The following PCDHA9 variants were observed in gnomAD, a reference collection of about 807,000 sequenced individuals.
The protein encoded by PCDHA9 is protocadherin alpha 9.
In PCDHA9, 62 loss-of-function variants were observed where a neutral mutation model predicts 62.0. The observed-to-expected ratio is 1.00, with a 90% CI of 0.81 to 1.23. The LOEUF (loss-of-function observed/expected upper bound fraction) is 1.23. Among genes scored for constraint, PCDHA9 ranks in the 50% most tolerant of loss-of-function variants. The probability of loss-of-function intolerance (pLI) is 0.00; values close to 1 mark genes in which losing one functional copy is unlikely to be tolerated. For synonymous variants in PCDHA9, 557 were observed against 567.6 expected (o/e 0.98, Z 0.27); for missense variants, 1,205 against 1,249.8 (o/e 0.96, Z 0.54).
intron 3 of PCDHA9, among the ~76,000 whole-genome samples, chr5:140,984,963 A>T (rs1390500469): frequency 1.3e-5 from 2 of 151,890 alleles, no homozygotes; most frequent in Non-Finnish European, 2.9e-5. Context: ...TTTGAGACAG[A>T]GTCTCGCTCT....
At chr5:140,982,226 A>G in intron 2 of PCDHA9, 1 of 603,292 alleles carries the variant, frequency 1.7e-6, no homozygotes, top group Non-Finnish European at 2.5e-6. Context: ...GCGTTAATAA[A>G]AAACAGAATT....
chr5:140,850,108 G>T lies in PCDHA9; in HGVS notation c.1613G>T (p.Arg538Leu). The stretch of plus-strand genomic sequence containing the variant: ...CTGCTACAGTTCCAGGTGAGCGCGC[G>T]CGACGCGGGCGTGCCGCCTCTGGGC... ...LELLQFQVSA[R>L]DAGVPPLGSN... is the part of the protein sequence containing the mutation. Residue 538 changes from arginine (R) to leucine (L), a missense_variant, in exon 1 of 4, where the codon CGC becomes CTC. Physicochemically the swap from Arg to Leu is moderately radical, Grantham distance 102. Coordinates refer to ENST00000532602, the MANE Select transcript of PCDHA9 (RefSeq NM_031857.2). 6.3e-7 allele frequency: 1 copy of T among 1,596,108 alleles called. No homozygotes were observed. Among genetic ancestry groups the T allele is most frequent in the Non-Finnish European group, 8.6e-7 (1 of 1,167,836 alleles).
chr5:140,926,812 G>T (rs908940607), intron 1 of PCDHA9: 28 of 1,458,972 alleles, frequency 1.9e-5, no homozygotes, highest in African/African-American at 2.8e-5. Flanking sequence ...CCCGCGGCTC[G>T]TGCTCTCCAG....
chr5:140,863,256 C>T (rs761621534), intron 1 of PCDHA9: 6 of 1,442,182 alleles, frequency 4.2e-6, no homozygotes, highest in Non-Finnish European at 4.7e-6. Flanking sequence ...GCGTCGAGGT[C>T]CGGGAGGCAG....
At chr5:140,977,023 G>T (rs1554238168) in intron 1 of PCDHA9, among the ~76,000 whole-genome samples, 1 of 152,148 alleles carries the variant, frequency 6.6e-6, no homozygotes, top group Non-Finnish European at 1.5e-5. Flanking sequence ...TCTGTCAAAT[G>T]AATCTAAGAA....
intron 1 of PCDHA9, chr5:140,967,963 A>C (rs1554230144): frequency 6.2e-7 from 1 of 1,614,210 alleles, no homozygotes; most frequent in South Asian, 1.1e-5. Context: ...CCAACCGGAA[A>C]GTGAGCCTGG....
At chr5:140,898,211 A>G (rs1554187859) in intron 1 of PCDHA9, among the ~76,000 whole-genome samples, 2 of 152,100 alleles carry the variant, frequency 1.3e-5, no homozygotes, top group African/African-American at 4.8e-5. Context: ...CCATTTGTCA[A>G]TTTTGGCTTT....
chr5:140,978,457 C>G (rs1223652568), intron 1 of PCDHA9, among the ~76,000 whole-genome samples: 1 of 152,182 alleles, frequency 6.6e-6, no homozygotes, highest in Non-Finnish European at 1.5e-5. Context: ...GCACATCCGC[C>G]CTGGGTCAAA....
intron 1 of PCDHA9, among the ~76,000 whole-genome samples, chr5:140,937,818 A>T (rs190175998): frequency 0.029 from 4,407 of 151,960 alleles, 79 homozygotes; most frequent in Admixed American, 0.046. Context: ...AAGCTGAGGC[A>T]GGAGAATGGC....
intron 3 of PCDHA9, among the ~76,000 whole-genome samples, chr5:141,000,383 C>G (rs1324907388): frequency 4.7e-5 from 3 of 63,178 alleles, no homozygotes; most frequent in South Asian, 1.1e-3. Flanking sequence ...CTCTCTCTCT[C>G]TCTCTCTCTC....
intron 1 of PCDHA9, chr5:140,857,485 G>C (rs1554150101): frequency 6.3e-7 from 1 of 1,598,368 alleles, no homozygotes; most frequent in Non-Finnish European, 8.6e-7. Context: ...TGTCTGCGTG[G>C]GACGCGGACG....
At position 140,849,753 on chromosome 5, in the gene PCDHA9, G is replaced by C. The variant is rs1294538786; in HGVS notation, c.1258G>C (p.Ala420Pro). Residue 420 changes from alanine to proline, a missense_variant, in exon 1 of 4, where the codon GCC (alanine) becomes CCC (proline). This residue lies in a region of PCDHA9 where 887 missense variants were observed against 809.5 expected (regional missense o/e 1.10). Transcript: ENST00000532602. ...DRALDRESVSAYELVVTARDG... is the reference protein window; with the variant it reads ...DRALDRESVSPYELVVTARDG... ...AGCTCTGGACCGCGAGAGTGTGTCCGCCTACGAGCTGGTGGTTACCGCGCG... is the reference window on the plus strand; with the variant it reads ...AGCTCTGGACCGCGAGAGTGTGTCCCCCTACGAGCTGGTGGTTACCGCGCG... 1 of 1,598,398 alleles carries C rather than the reference G, an allele frequency of 6.3e-7. No homozygotes were observed. Among genetic ancestry groups the C allele is most frequent in the Non-Finnish European group, 8.6e-7 (1 of 1,167,962 alleles).
intron 1 of PCDHA9, among the ~76,000 whole-genome samples, chr5:140,961,023 A>G (rs1216128174): frequency 6.6e-6 from 1 of 152,146 alleles, no homozygotes. Flanking sequence ...GACACTTGCT[A>G]CCTCCTTGTT....
intron 1 of PCDHA9, among the ~76,000 whole-genome samples, chr5:140,885,206 A>G (rs1304868227): frequency 1.3e-5 from 2 of 152,038 alleles, no homozygotes; most frequent in Non-Finnish European, 2.9e-5. Context: ...CATATATCCC[A>G]TGAAAAATAT....
chr5:140,887,385 C>T (rs1015937560), intron 1 of PCDHA9, among the ~76,000 whole-genome samples: 3 of 152,124 alleles, frequency 2.0e-5, no homozygotes, highest in Admixed American at 6.5e-5. Context: ...TGTGAGCCAC[C>T]GCGCCCGGCT....
chr5:140,863,264 C>A (rs1432032847), intron 1 of PCDHA9: 2 of 1,454,796 alleles, frequency 1.4e-6, no homozygotes, highest in African/African-American at 1.4e-5. Context: ...GTCCGGGAGG[C>A]AGCGCTGGTG....
chr5:140,951,243 A>G (rs1192486913), intron 1 of PCDHA9, among the ~76,000 whole-genome samples: 3 of 152,172 alleles, frequency 2.0e-5, no homozygotes, highest in Non-Finnish European at 4.4e-5. Context: ...ACCTTTAGGA[A>G]TGCATCACAT....
At chr5:140,884,603 T>A in intron 1 of PCDHA9, 4 of 1,614,132 alleles carry the variant, frequency 2.5e-6, no homozygotes, top group Non-Finnish European at 3.4e-6. Flanking sequence ...CCTTCCTCCT[T>A]GTCTGGGTTC....
At chr5:141,003,814 G>A (rs2098139841) in intron 3 of PCDHA9, among the ~76,000 whole-genome samples, 1 of 152,088 alleles carries the variant, frequency 6.6e-6, no homozygotes, top group Admixed American at 6.6e-5. Context: ...CTGTAGTCTG[G>A]GAAGGGCTCT....
Sources: allele counts gnomAD v4.1 joint callset (sites outside exome capture counted in the v4.1 genomes callset), GRCh38; gene constraint gnomAD v4.1.1; regional missense constraint gnomAD v4.1.1; transcripts MANE v1.5; gene names NCBI Gene and HGNC (gene_info 2026-07-23, HGNC 2026-07-21).